The following RYR3 variants were observed in gnomAD, a reference collection of about 807,000 sequenced individuals.
RYR3 encodes ryanodine receptor 3, also known as brain ryanodine receptor-calcium release channel.
A neutral mutation model predicts 584.3 loss-of-function variants in RYR3; 207 were observed. That is an observed-to-expected ratio of 0.35 (90% CI 0.32 to 0.40). The LOEUF is 0.40. Ranked by LOEUF, RYR3 falls within the 10% of genes least tolerant of loss-of-function variation. The pLI, the probability that RYR3 is intolerant of heterozygous loss-of-function variation, is 1.00. For missense variants in RYR3, 5,616 were observed against 6,089.2 expected (o/e 0.92, Z 2.59); for synonymous variants, 2,416 against 2,248.5 (o/e 1.07, Z -2.11).
At chr15:33,557,976 A>T (rs2057175462) in intron 10 of RYR3, among the ~76,000 whole-genome samples, 1 of 152,220 alleles carries the variant, frequency 6.6e-6, no homozygotes, top group Admixed American at 6.5e-5. Context: ...ATGCAGATAA[A>T]CAGATACAGA....
At chr15:33,811,405 TGAGGCA>T (rs779340807) in intron 72 of RYR3, among the ~76,000 whole-genome samples, 12 of 151,464 alleles carry the variant, frequency 7.9e-5, no homozygotes, top group Non-Finnish European at 1.5e-4. Context: ...CTTGGGAGGC[TGAGGCA>T]GAGGCAGGAG....
At chr15:33,604,349 C>T (rs1345924943) in intron 18 of RYR3, among the ~76,000 whole-genome samples, 1 of 152,204 alleles carries the variant, frequency 6.6e-6, no homozygotes, top group African/African-American at 2.4e-5. Context: ...AACCTAATTG[C>T]CTCATGCCAA....
At chr15:33,329,564 T>C (rs1363581314) in intron 1 of RYR3, among the ~76,000 whole-genome samples, 1 of 151,976 alleles carries the variant, frequency 6.6e-6, no homozygotes, top group African/African-American at 2.4e-5. Flanking sequence ...TGTAGAGCGA[T>C]TCCACTTTTG....
At chr15:33,754,421 C>T (rs1399811268) in intron 57 of RYR3, among the ~76,000 whole-genome samples, 3 of 152,226 alleles carry the variant, frequency 2.0e-5, no homozygotes, top group Non-Finnish European at 4.4e-5. Flanking sequence ...CTGCTTTAAC[C>T]TTCAACGCAA....
At chr15:33,711,327 T>C (rs1304343858) in intron 43 of RYR3, among the ~76,000 whole-genome samples, 8 of 137,354 alleles carry the variant, frequency 5.8e-5, no homozygotes, top group African/African-American at 2.2e-4. Flanking sequence ...CACTGCAAGC[T>C]CCGCCTCCCA....
chr15:33,562,922 G>C lies in RYR3; in HGVS notation c.1058G>C (p.Cys353Ser). 6.2e-7 allele frequency: 1 copy of C among 1,613,832 alleles called. No individual in the cohort carries two copies. The change falls in exon 11 of 104, where the codon TGC becomes TCC. Residue 353 changes from cysteine (C) to serine (S), a missense_variant. Physicochemically the swap from Cys to Ser is moderately radical, Grantham distance 112 (BLOSUM62 -1). Transcript: ENST00000634891. ...GAAATCAAGTATGGAGATTCTGTCT[G>C]CTTTGTGCAGCATATAGCCAGTGGT... ...VPEIKYGDSV[C>S]FVQHIASGLW...
chr15:33,748,506 C>T lies in RYR3; in HGVS notation c.8175C>T (p.Asn2725=), dbSNP rs538252426. Residue 2725 remains asparagine (N), a synonymous_variant, in exon 55 of 104, where the codon AAC becomes AAT. Coordinates refer to ENST00000634891, the MANE Select transcript of RYR3 (RefSeq NM_001036.6). ...GTCCTGCTCCCCTCGACCTCTCAAA[C>T]GTTGTGCTCTCCAGAGAGCTCCAGG... ...SYSPAPLDLS[N]VVLSRELQGM... 4.3e-6 allele frequency: 7 copies of T among 1,613,202 alleles called. No individual in the cohort carries two copies. Among genetic ancestry groups the T allele is most frequent in the African/African-American group, 1.3e-5 (1 of 75,022 alleles).
chr15:33,812,918 G>C lies in RYR3; in HGVS notation c.10313G>C (p.Ser3438Thr), dbSNP rs750976460. 6.2e-7 allele frequency: 1 copy of C among 1,614,016 alleles called. No individual in the cohort carries two copies. The highest frequency in any genetic ancestry group is 8.5e-7 in the Non-Finnish European group (1 of 1,179,876). The part of the protein sequence containing the change: ...QLNLYKDVLK[S>T]EEPFNPEKTV... ...AACCTCTACAAGGATGTTCTGAAGA[G>C]TGAAGAACCTTTCAATCCGGAAAAG... The change falls in exon 73 of 104, where the codon AGT (serine) becomes ACT (threonine). Residue 3438 changes from serine to threonine, a missense_variant. Ser to Thr is a moderately conservative substitution (Grantham distance 58). Coordinates refer to ENST00000634891, the MANE Select transcript of RYR3 (RefSeq NM_001036.6).
intron 16 of RYR3, among the ~76,000 whole-genome samples, chr15:33,595,720 CT>C (rs2059338628): frequency 1.3e-5 from 2 of 152,042 alleles, no homozygotes; most frequent in Admixed American, 6.5e-5. Context: ...ACTTGGTGTC[CT>C]TTTTAGACCC....
chr15:33,636,684 A>G (rs74005913), intron 27 of RYR3, 134 bp downstream of exon 27: 41,785 of 730,706 alleles, frequency 0.057, 1,420 homozygotes, highest in African/African-American at 0.12. Context: ...AATGGTGAAG[A>G]CGATCCCATA....
chr15:33,708,615 A>G (rs957156267), intron 43 of RYR3, among the ~76,000 whole-genome samples: 1 of 152,216 alleles, frequency 6.6e-6, no homozygotes, highest in Non-Finnish European at 1.5e-5. Flanking sequence ...TGGCCCATCA[A>G]TAGAAATATT....
intron 1 of RYR3, among the ~76,000 whole-genome samples, chr15:33,410,729 G>A (rs1307229137): frequency 6.6e-6 from 1 of 152,206 alleles, no homozygotes; most frequent in Non-Finnish European, 1.5e-5. Context: ...GTGGGTGGAA[G>A]GCCACGAGAG....
intron 1 of RYR3, among the ~76,000 whole-genome samples, chr15:33,377,124 C>A (rs566269886): frequency 6.6e-6 from 1 of 152,222 alleles, no homozygotes; most frequent in Non-Finnish European, 1.5e-5. Context: ...GACAATAGGC[C>A]CTAACAAGTT....
At chr15:33,709,538 A>T (rs995590454) in intron 43 of RYR3, among the ~76,000 whole-genome samples, 3 of 152,228 alleles carry the variant, frequency 2.0e-5, no homozygotes, top group Non-Finnish European at 4.4e-5. Context: ...GTGTTAGGTC[A>T]TGAGGACCCA....
At chr15:33,639,383 T>G (rs545088795) in intron 27 of RYR3, among the ~76,000 whole-genome samples, 1 of 152,186 alleles carries the variant, frequency 6.6e-6, no homozygotes, top group Non-Finnish European at 1.5e-5. Context: ...GGAAGGGTAG[T>G]TATAAGGAAG....
intron 72 of RYR3, among the ~76,000 whole-genome samples, chr15:33,811,522 A>AC (rs2076544456): frequency 6.6e-6 from 1 of 152,022 alleles, no homozygotes; most frequent in Admixed American, 6.6e-5. Context: ...AAAAAAAAAA[A>AC]AAGTACTGGT....
intron 64 of RYR3, among the ~76,000 whole-genome samples, chr15:33,777,720 G>C (rs143068975): frequency 6.6e-6 from 1 of 151,404 alleles, no homozygotes; most frequent in Non-Finnish European, 1.5e-5. Flanking sequence ...GACTGCCTTC[G>C]TGTCTGACTA....
At position 33,574,435 on chromosome 15, in the gene RYR3, A is replaced by G. The variant is rs541959662; in HGVS notation, c.1269-5541A>G. Among the ~76,000 whole-genome samples the G allele has an allele frequency of 1.0e-3, 157 of 152,268 alleles. 1 individual carries two copies. The highest frequency in any genetic ancestry group is 3.7e-3 in the African/African-American group (153 of 41,548). On this transcript the variant is annotated intron_variant, in intron 12 of 103. Coordinates refer to ENST00000634891, the MANE Select transcript of RYR3 (RefSeq NM_001036.6). Reference sequence around the variant, plus strand: ...AGCCTTCATCTCATGTACTCATGGCATTCTCTTCCCCACTATTTTTGTGTC... The same window carrying G: ...AGCCTTCATCTCATGTACTCATGGCGTTCTCTTCCCCACTATTTTTGTGTC...
At chr15:33,502,722 C>A (rs1306602915) in intron 2 of RYR3, among the ~76,000 whole-genome samples, 2 of 152,178 alleles carry the variant, frequency 1.3e-5, no homozygotes, top group Non-Finnish European at 2.9e-5. Context: ...GTGGCAGGAA[C>A]AGTGTAGGGT....
Sources: allele counts gnomAD v4.1 joint callset (sites outside exome capture counted in the v4.1 genomes callset), GRCh38; gene constraint gnomAD v4.1.1; transcripts MANE v1.5; gene names NCBI Gene and HGNC (gene_info 2026-07-23, HGNC 2026-07-21).